Variants in POLN observed in about 807,000 individuals in gnomAD.
POLN encodes the protein DNA polymerase nu.
POLN carries 108 observed loss-of-function variants against 113.5 expected under a neutral mutation model. That is an observed-to-expected ratio of 0.95 (90% CI 0.81 to 1.12). The LOEUF is 1.12. Ranked by LOEUF, POLN falls within the 50% of genes most tolerant of loss-of-function variation. The pLI, the probability that POLN is intolerant of heterozygous loss-of-function variation, is 0.00. For missense variants in POLN, 1,097 were observed against 1,077.1 expected (o/e 1.02, Z -0.26); for synonymous variants, 386 against 391.5 (o/e 0.99, Z 0.17).
chr4:2,227,274 G>T (rs1734422159), intron 3 of POLN, among the ~76,000 whole-genome samples: 1 of 152,198 alleles, frequency 6.6e-6, no homozygotes, highest in Admixed American at 6.5e-5. Context: ...GAGAAACTGA[G>T]ACCCTTGGTC....
At position 2,105,804 on chromosome 4, in the gene POLN, G is replaced by GTGATGATGA. The variant is rs147342911; in HGVS notation, c.1983-9880_1983-9872dup. ...AGGAGCCCACTCTCCCAGACAAATA[G>GTGATGATGA]TGATGATGATGATGATGATGATGAT... is the stretch of plus-strand genomic sequence containing the variant. On this transcript the variant is annotated intron_variant, in intron 19 of 25. Transcript: ENST00000511885. Among the ~76,000 whole-genome samples the GTGATGATGA allele has an allele frequency of 8.3e-3, 1,199 of 144,902 alleles. 7 individuals carry two copies. Among genetic ancestry groups the GTGATGATGA allele is most frequent in the Middle Eastern group, 0.038 (11 of 292 alleles).
At chr4:2,226,272 T>C (rs1006442183) in intron 3 of POLN, among the ~76,000 whole-genome samples, 4 of 152,206 alleles carry the variant, frequency 2.6e-5, no homozygotes, top group African/African-American at 4.8e-5. Context: ...ACCTGGCCAC[T>C]TGGTCAAACC....
chr4:2,086,942 C>T (rs1000626885), intron 20 of POLN, among the ~76,000 whole-genome samples: 5 of 152,162 alleles, frequency 3.3e-5, no homozygotes, highest in African/African-American at 4.8e-5. Context: ...GGAATGGGAC[C>T]GACCAGTCTC....
intron 19 of POLN, among the ~76,000 whole-genome samples, chr4:2,109,024 G>A (rs568578140): frequency 2.6e-5 from 4 of 152,102 alleles, no homozygotes; most frequent in East Asian, 3.9e-4. Context: ...GGTTTGTAGC[G>A]CTAGGAGGCT....
intron 23 of POLN, chr4:2,080,179 C>A (rs546752331): frequency 4.1e-6 from 4 of 986,392 alleles, no homozygotes; most frequent in Non-Finnish European, 4.8e-6. Flanking sequence ...ACAAGGAGAA[C>A]GAGGAGAGGA....
chr4:2,155,772 A>C (rs996432195), intron 16 of POLN, among the ~76,000 whole-genome samples: 3 of 152,332 alleles, frequency 2.0e-5, no homozygotes, highest in Admixed American at 1.3e-4. Flanking sequence ...ATGTAGAATG[A>C]TATCAAGAGA....
intron 19 of POLN, among the ~76,000 whole-genome samples, chr4:2,122,996 GAA>G (rs1045768613): frequency 6.9e-6 from 1 of 145,424 alleles, no homozygotes; most frequent in East Asian, 2.0e-4. Context: ...CTACCAAAAA[GAA>G]AAAAAAAAAT....
chr4:2,132,069 C>G (rs1731740691), intron 16 of POLN, among the ~76,000 whole-genome samples: 1 of 152,108 alleles, frequency 6.6e-6, no homozygotes, highest in Non-Finnish European at 1.5e-5. Context: ...CCTTAGTTCC[C>G]CCTAGAAGCC....
chr4:2,150,795 A>C (rs1732273678), intron 16 of POLN, among the ~76,000 whole-genome samples: 3 of 152,242 alleles, frequency 2.0e-5, no homozygotes, highest in African/African-American at 7.2e-5. Flanking sequence ...CTTGTAAGAA[A>C]GATGATGTTA....
chr4:2,077,976 G>T (rs1329822160), intron 23 of POLN, among the ~76,000 whole-genome samples: 1 of 152,246 alleles, frequency 6.6e-6, no homozygotes, highest in Non-Finnish European at 1.5e-5. Context: ...GAGCTGCTGT[G>T]TTCTGCATCT....
chr4:2,227,035 CCTCTTGGTATCATGTCCT>C (rs1734415347), intron 3 of POLN, among the ~76,000 whole-genome samples: 1 of 152,186 alleles, frequency 6.6e-6, no homozygotes, highest in Non-Finnish European at 1.5e-5. Flanking sequence ...ATGATCCCTG[CCTCTTGGTATCATGTCCT>C]CACATAACCC....
intron 19 of POLN, among the ~76,000 whole-genome samples, chr4:2,120,068 G>A (rs1040245299): frequency 8.1e-4 from 124 of 152,280 alleles, no homozygotes; most frequent in African/African-American, 2.9e-3. Flanking sequence ...AAGCATATTT[G>A]TGTGGGTCTA....
intron 16 of POLN, chr4:2,139,929 G>T (rs577119462): frequency 6.6e-6 from 1 of 152,246 alleles, no homozygotes; most frequent in Non-Finnish European, 1.5e-5. Context: ...GTGCCCTGAA[G>T]AAAATTTTAT....
intron 20 of POLN, among the ~76,000 whole-genome samples, chr4:2,088,299 C>T (rs2108694140): frequency 6.6e-6 from 1 of 152,198 alleles, no homozygotes; most frequent in East Asian, 1.9e-4. Context: ...CTATGCTGTG[C>T]CACATAAGAA....
rs190097439 is a variant in POLN at position 2,099,598 on chromosome 4, G to A, written c.1983-3665C>T. Among the ~76,000 whole-genome samples, 25 of 152,352 alleles carry A rather than the reference G, an allele frequency of 1.6e-4. No homozygotes were observed. In the East Asian group the frequency reaches 4.6e-3, roughly 28 times the overall value. ...CCTACAGAGACTGTGACTAAAAGCA[G>A]TGTGGTGTCATGGAGGGGGTCCTGG... On this transcript the variant is annotated intron_variant, in intron 19 of 25. Transcript: ENST00000511885.
In POLN at chr4:2,194,129, T is replaced by C. The variant is rs115824920; in HGVS notation, c.909-813A>G. Among the ~76,000 whole-genome samples the C allele has an allele frequency of 2.1e-3, 314 of 152,296 alleles. 1 individual carries two copies. Among genetic ancestry groups the C allele is most frequent in the African/African-American group, 7.2e-3 (299 of 41,564 alleles). On this transcript the variant is annotated intron_variant, in intron 6 of 25. Coordinates refer to ENST00000511885, the MANE Select transcript of POLN (RefSeq NM_181808.4). ...GCATGCACTAGAACCATTTTACAGA[T>C]GAGAAAACTTAGTCTTGAAGAGGTT...
chr4:2,209,815 C>A (rs914888605), intron 4 of POLN, among the ~76,000 whole-genome samples: 2 of 151,008 alleles, frequency 1.3e-5, no homozygotes, highest in African/African-American at 4.9e-5. Context: ...GGGTTCACCA[C>A]CATATCCAGC....
At chr4:2,153,695 G>A (rs1732348905) in intron 16 of POLN, among the ~76,000 whole-genome samples, 1 of 151,274 alleles carries the variant, frequency 6.6e-6, no homozygotes, top group Non-Finnish European at 1.5e-5. Flanking sequence ...CCATTCTCCT[G>A]CCTCAGCCTC....
At position 2,089,890 on chromosome 4, in the gene POLN, G is replaced by T. The variant is rs182326270; in HGVS notation, c.2066-4146C>A. ...ACTGTCTGTAGATGACAATCTGACTGATGGCTGACTTTCACAGGAATCTCT... is the reference window on the plus strand; with the variant it reads ...ACTGTCTGTAGATGACAATCTGACTTATGGCTGACTTTCACAGGAATCTCT... On this transcript the variant is annotated intron_variant, in intron 20 of 25. Coordinates refer to ENST00000511885, the MANE Select transcript of POLN (RefSeq NM_181808.4). The T allele has an allele frequency of 4.0e-4, 405 of 1,008,302 alleles. 1 individual carries two copies. Among genetic ancestry groups the T allele is most frequent in the Non-Finnish European group, 4.4e-4 (291 of 654,292 alleles). 62.5% of individuals were successfully genotyped at this position (1,008,302 alleles called of 1,614,324 possible). A position where few individuals can be genotyped will look rare whatever the true frequency, so the allele number is the denominator to read the frequency against.
Sources: gnomAD v4.1 joint callset for allele counts (sites outside exome capture counted in the v4.1 genomes callset) on GRCh38, gnomAD v4.1.1 for gene constraint, MANE v1.5 for transcripts, NCBI Gene and HGNC (gene_info 2026-07-23, HGNC 2026-07-21) for gene names.